Variants in RRAGB observed in about 807,000 individuals in gnomAD.
RRAGB encodes ras-related GTP-binding protein B.
A neutral mutation model predicts 29.3 loss-of-function variants in RRAGB; 6 were observed. That is an observed-to-expected ratio of 0.21 (90% CI 0.11 to 0.40). The LOEUF is 0.40. RRAGB is among the 10% of genes least tolerant of loss of function. The pLI, the probability that RRAGB is intolerant of heterozygous loss-of-function variation, is 1.00. For synonymous variants in RRAGB, 101 were observed against 92.5 expected (o/e 1.09, Z -0.53); for missense variants, 184 against 272.9 (o/e 0.67, Z 2.29).
At chrX:55,731,290 C>G in intron 4 of RRAGB, 74 bp from the exon 5 acceptor site, 1 of 763,836 alleles carries the variant, frequency 1.3e-6, no homozygotes, top group East Asian at 3.5e-5. Flanking sequence ...ATTGATCAAG[C>G]CAACAAAAAT....
At chrX:55,742,373 C>A (rs894216423) in intron 5 of RRAGB, among the ~76,000 whole-genome samples, 1 of 112,563 alleles carries the variant, frequency 8.9e-6, no homozygotes, top group Non-Finnish European at 1.9e-5. Context: ...CATTAGTGGA[C>A]CTTCCTGAAT....
At position 55,717,946 on chromosome X, in the gene RRAGB, C is replaced by T; in HGVS notation, c.-382C>T. 1 of 130,939 alleles carries T rather than the reference C, an allele frequency of 7.6e-6. No individual in the cohort carries two copies. The highest frequency in any genetic ancestry group is 1.5e-5 in the Non-Finnish European group (1 of 64,533). The allele number at this position is 130,939 out of a possible 1,213,427, so 10.8% of individuals were successfully genotyped here. ...GGTCAGCTCTTTCTGCCACCTCCGC[C>T]TTCGCGGTCCTCACCTCTTTGCGGG... On this transcript the variant is annotated 5_prime_UTR_variant, in exon 1 of 10. Transcript: ENST00000374941.
intron 5 of RRAGB, among the ~76,000 whole-genome samples, chrX:55,734,064 C>T (rs1004761290): frequency 2.8e-5 from 3 of 109,058 alleles, no homozygotes; most frequent in African/African-American, 6.7e-5. Context: ...CCCAGGTTCA[C>T]GCCATTCTCC....
chrX:55,755,299 A>G (rs997034617), intron 7 of RRAGB: 47 of 750,832 alleles, frequency 6.3e-5, no homozygotes, highest in Non-Finnish European at 7.4e-5. Flanking sequence ...AAATCTGAAA[A>G]AGTTAGAAAA....
intron 7 of RRAGB, chrX:55,755,563 A>C (rs2147130318): frequency 1.4e-6 from 1 of 736,798 alleles, no homozygotes; most frequent in African/African-American, 2.3e-5. Context: ...ATGAATATTT[A>C]GTGATTAAAG....
At chrX:55,736,033 C>T (rs1391678852) in intron 5 of RRAGB, among the ~76,000 whole-genome samples, 1 of 112,184 alleles carries the variant, frequency 8.9e-6, no homozygotes, top group African/African-American at 3.2e-5. Context: ...TCTCACTCTT[C>T]TTAGAATTCT....
At chrX:55,726,381 A>G (rs1483465826) in intron 3 of RRAGB, among the ~76,000 whole-genome samples, 1 of 111,174 alleles carries the variant, frequency 9.0e-6, no homozygotes, top group Non-Finnish European at 1.9e-5. Flanking sequence ...GCATATGCGG[A>G]GAGACATGGT....
At chrX:55,732,217 G>A (rs769743150) in intron 5 of RRAGB, among the ~76,000 whole-genome samples, 247 of 111,527 alleles carry the variant, frequency 2.2e-3, no homozygotes, top group Admixed American at 5.2e-3. Context: ...AGAAGGCTCC[G>A]AGGCCCATTA....
At chrX:55,747,718 A>C (rs2034291600) in intron 5 of RRAGB, among the ~76,000 whole-genome samples, 1 of 111,624 alleles carries the variant, frequency 9.0e-6, no homozygotes, top group South Asian at 3.8e-4. Flanking sequence ...TGTCTTTTCT[A>C]CTGGAAAGTG....
intron 5 of RRAGB, among the ~76,000 whole-genome samples, chrX:55,741,485 A>T (rs975323968): frequency 8.9e-6 from 1 of 112,477 alleles, no homozygotes; most frequent in Non-Finnish European, 1.9e-5. Context: ...AGAAATGGAC[A>T]TTAAAATGAT....
At chrX:55,725,163 C>T (rs752738870) in intron 3 of RRAGB, among the ~76,000 whole-genome samples, 2 of 112,075 alleles carry the variant, frequency 1.8e-5, no homozygotes, top group South Asian at 7.4e-4. Context: ...GAACCCCATA[C>T]ATTAAGGCAA....
At chrX:55,744,380 A>C (rs2034177052) in intron 5 of RRAGB, among the ~76,000 whole-genome samples, 1 of 99,373 alleles carries the variant, frequency 1.0e-5, no homozygotes. Flanking sequence ...TGGGTGACAG[A>C]GTGAGCCAAA....
chrX:55,727,150 G>A (rs1191665993), intron 3 of RRAGB, among the ~76,000 whole-genome samples: 2 of 111,570 alleles, frequency 1.8e-5, no homozygotes, highest in Non-Finnish European at 3.8e-5. Flanking sequence ...TGGTTATGGG[G>A]CCATTGGTCA....
intron 2 of RRAGB, 50 bp downstream of exon 2, chrX:55,719,397 GA>G (rs1373203397): frequency 2.0e-6 from 2 of 975,970 alleles, no homozygotes; most frequent in Non-Finnish European, 2.8e-6. Flanking sequence ...GTAAGAAGTT[GA>G]TATTCAGGAA....
At chrX:55,748,915 G>A (rs1220917087) in intron 5 of RRAGB, among the ~76,000 whole-genome samples, 9 of 102,123 alleles carry the variant, frequency 8.8e-5, no homozygotes, top group Non-Finnish European at 1.4e-4. Context: ...GGAGGTGGGG[G>A]GGTCAGCCCC....
chrX:55,733,130 C>G (rs1324935608), intron 5 of RRAGB, among the ~76,000 whole-genome samples: 1 of 111,293 alleles, frequency 9.0e-6, no homozygotes, highest in Admixed American at 9.5e-5. Context: ...ACAACCTCCC[C>G]GTTTCTGTGT....
At chrX:55,752,730 A>C (rs1023726890) in intron 6 of RRAGB, among the ~76,000 whole-genome samples, 30 of 111,722 alleles carry the variant, frequency 2.7e-4, no homozygotes, top group African/African-American at 9.4e-4. Context: ...CTACAAGAAT[A>C]GAGGGAGAGT....
chrX:55,743,538 C>G (rs1471481253), intron 5 of RRAGB, among the ~76,000 whole-genome samples: 1 of 112,638 alleles, frequency 8.9e-6, no homozygotes, highest in Non-Finnish European at 1.9e-5. Context: ...TTCATGAGCT[C>G]ATTGGGCAGT....
At chrX:55,744,320 C>T (rs1365689366) in intron 5 of RRAGB, among the ~76,000 whole-genome samples, 3 of 93,441 alleles carry the variant, frequency 3.2e-5, no homozygotes, top group Non-Finnish European at 6.2e-5. Context: ...TGCTTGAACC[C>T]GGGAGGTGGA....
Sources: allele counts gnomAD v4.1 joint callset (sites outside exome capture counted in the v4.1 genomes callset), GRCh38; gene constraint gnomAD v4.1.1; transcripts MANE v1.5; gene names NCBI Gene and HGNC (gene_info 2026-07-23, HGNC 2026-07-21).